Variants in VPS4A observed in about 807,000 individuals in gnomAD.
VPS4A encodes vacuolar protein sorting-associated protein 4A.
Under a neutral mutation model 52.3 loss-of-function variants are expected in VPS4A, and 20 were observed. The observed-to-expected ratio is 0.38, with a 90% confidence interval of 0.27 to 0.56. The LOEUF (loss-of-function observed/expected upper bound fraction) is 0.56, where lower values mean the gene tolerates loss of function less well. Ranked by LOEUF, VPS4A falls within the 20% of genes least tolerant of loss-of-function variation. The pLI, the probability that VPS4A is intolerant of heterozygous loss-of-function variation, is 0.72. For missense variants in VPS4A, 419 were observed against 575.9 expected, an observed-to-expected ratio of 0.73 and a Z score of 2.79; for synonymous variants, 293 against 227.7, an observed-to-expected ratio of 1.29 and a Z score of -2.58.
chr16:69,324,441 C>T lies in VPS4A; in HGVS notation c.*132C>T, dbSNP rs560314246. On this transcript the variant is annotated 3_prime_UTR_variant, in exon 11 of 11. Coordinates refer to ENST00000254950, the MANE Select transcript of VPS4A (RefSeq NM_013245.3). ...TACAGAGTTCCCTCTGCTGTCTGGC[C>T]GTCTGCCAGGGAGCCAGAAGGAAGG... The T allele has an allele frequency of 3.6e-5, 36 of 1,004,006 alleles. No homozygotes were observed. Among genetic ancestry groups the T allele is most frequent in the Non-Finnish European group, 4.3e-5 (29 of 673,808 alleles). The allele number at this position is 1,004,006 out of a possible 1,614,324, so 62.2% of individuals were successfully genotyped here. A position where few individuals can be genotyped will look rare whatever the true frequency, so the allele number is the denominator to read the frequency against.
chr16:69,317,309 C>G (rs1965449547), intron 3 of VPS4A, among the ~76,000 whole-genome samples: 1 of 152,138 alleles, frequency 6.6e-6, no homozygotes, highest in African/African-American at 2.4e-5. Context: ...CTCCTCTGTC[C>G]TTCGGCAGTG....
intron 1 of VPS4A, 104 bp from the exon 2 acceptor site, chr16:69,315,904 C>A: frequency 1.1e-6 from 1 of 919,254 alleles, no homozygotes; most frequent in South Asian, 1.6e-5. Flanking sequence ...AATAAATCCA[C>A]AGGCCCAGCG....
intron 1 of VPS4A, 84 bp downstream of exon 1, chr16:69,311,616 C>T (rs1268522954): frequency 8.3e-7 from 1 of 1,204,292 alleles, no homozygotes; most frequent in African/African-American, 1.6e-5. Flanking sequence ...GGCGGGTGGT[C>T]AGGTGGGCGC....
intron 9 of VPS4A, 37 bp from the exon 10 acceptor site, chr16:69,322,523 A>G (rs1332353561): frequency 6.3e-7 from 1 of 1,587,048 alleles, no homozygotes. Flanking sequence ...TCTGACACTG[A>G]GGGGCAGCTG....
rs1965576654 is a variant in VPS4A, at chr16:69,325,377, GTC to G, written c.*1069_*1070del. The G allele has an allele frequency of 2.8e-5, 4 of 143,018 alleles. No homozygotes were observed. The highest frequency in any genetic ancestry group is 2.1e-4 in the Admixed American group (3 of 14,380). The allele number at this position is 143,018 out of a possible 1,614,324, so 8.9% of individuals were successfully genotyped here. The stretch of plus-strand genomic sequence containing the variant: ...TTTGGTCTGCCGCTAACATTTAAAA[GTC>G]GAGAGTTGCTGGGCGCGGTGGCTCA... On this transcript the variant is annotated 3_prime_UTR_variant, in exon 11 of 11. Transcript: ENST00000254950.
Position 69,321,346 on chromosome 16 carries a change from T to A in VPS4A, c.1071+76T>A, listed in dbSNP as rs1965508908. On this transcript the variant is annotated intron_variant, in intron 9 of 10. Transcript: ENST00000254950. This position sits in a 1 kb window ranked among gnomAD's most constrained non-coding sequence, Gnocchi z 4.5. ...GTTCGGTTTTTTTTTTCCCAGCTCC[T>A]GGTCCTGCTCCCCGGCTGCTCAGGT... The A allele has an allele frequency of 6.8e-7, 1 of 1,471,012 alleles. No individual in the cohort carries two copies. The highest frequency in any genetic ancestry group is 1.2e-5 in the South Asian group (1 of 80,328). The allele number at this position is 1,471,012 out of a possible 1,614,324, so 91.1% of individuals were successfully genotyped here.
In VPS4A at chr16:69,320,567, G is replaced by A. The variant is rs996385751; in HGVS notation, c.770-121G>A. On this transcript the variant is annotated intron_variant, in intron 7 of 10. Coordinates refer to ENST00000254950, the MANE Select transcript of VPS4A (RefSeq NM_013245.3). The surrounding 1 kb of genome is among the most constrained non-coding windows in gnomAD (Gnocchi z 4.2). ...TAATCTCACTTGGGACCCTGCCAGT[G>A]GTGGGTGGCACAGGGATGGCTTCAA... 11 of 911,560 alleles carry A rather than the reference G, an allele frequency of 1.2e-5. No homozygotes were observed. In the African/African-American group the frequency reaches 1.8e-4, roughly 15 times the overall value. 56.5% of individuals were successfully genotyped at this position (911,560 alleles called of 1,614,324 possible). A position where few individuals can be genotyped will look rare whatever the true frequency, so the allele number is the denominator to read the frequency against.
Position 69,326,262 on chromosome 16 carries a change from G to A in VPS4A, c.*1953G>A, listed in dbSNP as rs962338552. The A allele has an allele frequency of 2.2e-4, 33 of 152,306 alleles. No individual in the cohort carries two copies. The highest frequency in any genetic ancestry group is 7.2e-4 in the African/African-American group (30 of 41,562). The allele number at this position is 152,306 out of a possible 1,614,324, so 9.4% of individuals were successfully genotyped here. On this transcript the variant is annotated 3_prime_UTR_variant, in exon 11 of 11. Coordinates refer to ENST00000254950, the MANE Select transcript of VPS4A (RefSeq NM_013245.3). ...TCTGGTTCAGAGCCTCTGCAGAAGT[G>A]AGCTAACTTTGGATCAGTAGCTCCA... is the stretch of plus-strand genomic sequence containing the variant.
chr16:69,315,868 G>A (rs774123497), intron 1 of VPS4A, 140 bp from the exon 2 acceptor site: 2 of 673,324 alleles, frequency 3.0e-6, no homozygotes, highest in Non-Finnish European at 5.1e-6. Flanking sequence ...TGTTGAAAAA[G>A]TAGGCCAATG....
intron 10 of VPS4A, chr16:69,323,414 T>C (rs1965537856): frequency 6.8e-6 from 2 of 293,512 alleles, no homozygotes; most frequent in Non-Finnish European, 1.4e-5. Flanking sequence ...CCTCCCAAAG[T>C]GCTGGGATTA....
Position 69,320,604 on chromosome 16 carries a change from C to T in VPS4A, c.770-84C>T. The T allele has an allele frequency of 8.1e-7, 1 of 1,240,288 alleles. No individual in the cohort carries two copies. The allele number at this position is 1,240,288 out of a possible 1,614,324, so 76.8% of individuals were successfully genotyped here. A position where few individuals can be genotyped will look rare whatever the true frequency, so the allele number is the denominator to read the frequency against. ...AGGGATGGCTTCAATTGCTGACACA[C>T]AAAGCCCCCGGGGTCTGTCCCCAGG... On this transcript the variant is annotated intron_variant, in intron 7 of 10. Transcript: ENST00000254950. This position sits in a 1 kb window ranked among gnomAD's most constrained non-coding sequence, Gnocchi z 4.2.
Position 69,320,512 on chromosome 16 carries a change from C to T in VPS4A, c.770-176C>T, listed in dbSNP as rs548365548. On this transcript the variant is annotated intron_variant, in intron 7 of 10. Coordinates refer to ENST00000254950, the MANE Select transcript of VPS4A (RefSeq NM_013245.3). The surrounding 1 kb of genome is among the most constrained non-coding windows in gnomAD (Gnocchi z 4.2). Reference sequence around the variant, plus strand: ...CCATGGCAGGCAGTGCCATAGGTCTCACCTGGCACAGCCAGACCAAGATGT... The same window carrying T: ...CCATGGCAGGCAGTGCCATAGGTCTTACCTGGCACAGCCAGACCAAGATGT... 5 of 804,950 alleles carry T rather than the reference C, an allele frequency of 6.2e-6. No individual in the cohort carries two copies. Among genetic ancestry groups the T allele is most frequent in the Non-Finnish European group, 7.8e-6 (4 of 513,042 alleles). 49.9% of individuals were successfully genotyped at this position (804,950 alleles called of 1,614,324 possible). A position where few individuals can be genotyped will look rare whatever the true frequency, so the allele number is the denominator to read the frequency against.
In VPS4A at chr16:69,322,883, T is replaced by TA. The variant is rs576252950; in HGVS notation, c.1212+184dup. 20 of 571,096 alleles carry TA rather than the reference T, an allele frequency of 3.5e-5. No individual in the cohort carries two copies. In the South Asian group the frequency reaches 7.1e-4, roughly 20 times the overall value. 35.4% of individuals were successfully genotyped at this position (571,096 alleles called of 1,614,324 possible). On this transcript the variant is annotated intron_variant, in intron 10 of 10. Coordinates refer to ENST00000254950, the MANE Select transcript of VPS4A (RefSeq NM_013245.3). Reference sequence around the variant, plus strand: ...AGGAGTTCGAGACCAGCCTAGCCAATATGGAGAAACCCTGTCTCTACTAAA... The same window carrying TA: ...AGGAGTTCGAGACCAGCCTAGCCAATAATGGAGAAACCCTGTCTCTACTAAA...
At position 69,321,156 on chromosome 16, in the gene VPS4A, C is replaced by A; in HGVS notation, c.957C>A (p.Ile319=). ...STPHNLTDAN[I]HELARKTEGY... is the part of the protein sequence containing the mutation. The stretch of plus-strand genomic sequence containing the variant: ...CCCACAACCTCACGGATGCAAACAT[C>A]CACGAGCTGGCCCGGAAGACGGAAG... The change falls in exon 9 of 11, where the codon ATC becomes ATA. Residue 319 remains isoleucine, a synonymous_variant. Coordinates refer to ENST00000254950, the MANE Select transcript of VPS4A (RefSeq NM_013245.3). This position sits in a 1 kb window ranked among gnomAD's most constrained non-coding sequence, Gnocchi z 4.5. 1 of 1,583,730 alleles carries A rather than the reference C, an allele frequency of 6.3e-7. No individual in the cohort carries two copies. The highest frequency in any genetic ancestry group is 8.6e-7 in the Non-Finnish European group (1 of 1,165,456).
At position 69,325,207 on chromosome 16, in the gene VPS4A, G is replaced by A. The variant is rs1965572939; in HGVS notation, c.*898G>A. 1 of 152,268 alleles carries A rather than the reference G, an allele frequency of 6.6e-6. No individual in the cohort carries two copies. The highest frequency in any genetic ancestry group is 6.5e-5 in the Admixed American group (1 of 15,284). 9.4% of individuals were successfully genotyped at this position (152,268 alleles called of 1,614,324 possible). A position where few individuals can be genotyped will look rare whatever the true frequency, so the allele number is the denominator to read the frequency against. Reference sequence around the variant, plus strand: ...GCCTGTTCTCCAGTCAGGTGTGCAAGGCCTCCTCCCCTTAAGGCCTCAGAA... The same window carrying A: ...GCCTGTTCTCCAGTCAGGTGTGCAAAGCCTCCTCCCCTTAAGGCCTCAGAA... On this transcript the variant is annotated 3_prime_UTR_variant, in exon 11 of 11. Transcript: ENST00000254950.
At chr16:69,319,236 A>C (rs1340974566) in intron 5 of VPS4A, 151 bp from the exon 6 acceptor site, 1 of 1,185,722 alleles carries the variant, frequency 8.4e-7, no homozygotes, top group Non-Finnish European at 1.2e-6. Flanking sequence ...AGGGCACAGC[A>C]GGGAATGTAG....
intron 10 of VPS4A, among the ~76,000 whole-genome samples, chr16:69,323,944 CAAA>C (rs373024058): frequency 3.0e-5 from 3 of 99,526 alleles, no homozygotes; most frequent in South Asian, 3.2e-4. Flanking sequence ...ACTCCGTCTC[CAAA>C]AAAAAAAAAA....
At chr16:69,315,333 CTCTTCTG>C (rs1046141175) in intron 1 of VPS4A, among the ~76,000 whole-genome samples, 2 of 152,216 alleles carry the variant, frequency 1.3e-5, no homozygotes, top group Admixed American at 6.5e-5. Flanking sequence ...GGACACAGTT[CTCTTCTG>C]TTGGCAGCAG....
Position 69,321,434 on chromosome 16 carries a change from T to C in VPS4A, c.1071+164T>C. ...AGTGCCATGGGGGCTGCACCCACTG[T>C]CCCCTCCCTGCAGCTCTTCTGGAGT... On this transcript the variant is annotated intron_variant, in intron 9 of 10. Coordinates refer to ENST00000254950, the MANE Select transcript of VPS4A (RefSeq NM_013245.3). This position sits in a 1 kb window ranked among gnomAD's most constrained non-coding sequence, Gnocchi z 4.5. The C allele has an allele frequency of 7.1e-6, 5 of 708,202 alleles. No individual in the cohort carries two copies. The highest frequency in any genetic ancestry group is 9.2e-6 in the Non-Finnish European group (4 of 432,726). The allele number at this position is 708,202 out of a possible 1,614,324, so 43.9% of individuals were successfully genotyped here. A position where few individuals can be genotyped will look rare whatever the true frequency, so the allele number is the denominator to read the frequency against.
Sources: allele counts gnomAD v4.1 joint callset (sites outside exome capture counted in the v4.1 genomes callset), GRCh38; gene constraint gnomAD v4.1.1; non-coding constraint Gnocchi (gnomAD v3.1); transcripts MANE v1.5; gene names NCBI Gene and HGNC (gene_info 2026-07-23, HGNC 2026-07-21).